CCDC148: variants seen among roughly 807,000 people sequenced by gnomAD.
The protein encoded by CCDC148 is coiled-coil domain-containing protein 148.
A neutral mutation model predicts 85.7 loss-of-function variants in CCDC148; 89 were observed. The observed-to-expected ratio is 1.04, with a 90% CI of 0.87 to 1.24. The LOEUF is 1.24. Among genes scored for constraint, CCDC148 ranks in the 50% most tolerant of loss-of-function variants. The probability of loss-of-function intolerance (pLI) is 0.00; values close to 1 mark genes in which losing one functional copy is unlikely to be tolerated. For synonymous variants in CCDC148, 230 were observed against 213.9 expected (o/e 1.08, Z -0.66); for missense variants, 692 against 671.7 (o/e 1.03, Z -0.33).
intron 2 of CCDC148, among the ~76,000 whole-genome samples, chr2:158,353,676 A>C (rs1395722086): frequency 2.6e-5 from 4 of 152,204 alleles, no homozygotes; most frequent in Non-Finnish European, 5.9e-5. Context: ...AAGGAGACAG[A>C]AAGTCAACAA....
chr2:158,243,185 G>GT (rs1253061152), intron 10 of CCDC148, among the ~76,000 whole-genome samples: 1 of 151,992 alleles, frequency 6.6e-6, no homozygotes, highest in East Asian at 1.9e-4. Context: ...AATGATGGAA[G>GT]TATCAAAAAA....
At chr2:158,406,710 C>T (rs1301500126) in intron 1 of CCDC148, among the ~76,000 whole-genome samples, 1 of 144,550 alleles carries the variant, frequency 6.9e-6, no homozygotes, top group Non-Finnish European at 1.5e-5. Flanking sequence ...GTAACCTCGA[C>T]CTCTCAGACT....
chr2:158,247,178 G>A (rs962430904), intron 10 of CCDC148, among the ~76,000 whole-genome samples: 1 of 152,072 alleles, frequency 6.6e-6, no homozygotes, highest in East Asian at 1.9e-4. Flanking sequence ...TTAAAAAATG[G>A]ATTTTAAAAG....
rs1684318656 is a variant in CCDC148 at position 158,171,435 on chromosome 2, T to G, written c.*678A>C. The G allele has an allele frequency of 1.3e-5, 2 of 152,030 alleles. No individual in the cohort carries two copies. Among genetic ancestry groups the G allele is most frequent in the Non-Finnish European group, 2.9e-5 (2 of 67,970 alleles). 9.4% of individuals were successfully genotyped at this position (152,030 alleles called of 1,614,324 possible). A position where few individuals can be genotyped will look rare whatever the true frequency, so the allele number is the denominator to read the frequency against. On this transcript the variant is annotated 3_prime_UTR_variant, in exon 14 of 14. Transcript: ENST00000283233. ...TAAATATTTAATAGATAATTTGGAATTTTTGACAGCATTCCAAATATTATG... is the reference window on the plus strand; with the variant it reads ...TAAATATTTAATAGATAATTTGGAAGTTTTGACAGCATTCCAAATATTATG...
intron 1 of CCDC148, among the ~76,000 whole-genome samples, chr2:158,399,023 T>G (rs1239255515): frequency 6.6e-6 from 1 of 152,256 alleles, no homozygotes; most frequent in African/African-American, 2.4e-5. Flanking sequence ...CTAGAAAATC[T>G]AGAAGAAATG....
chr2:158,265,372 A>C (rs576083254), intron 9 of CCDC148, among the ~76,000 whole-genome samples: 1 of 152,244 alleles, frequency 6.6e-6, no homozygotes, highest in African/African-American at 2.4e-5. Context: ...TTTTACATTT[A>C]AAATTACTTT....
intron 1 of CCDC148, among the ~76,000 whole-genome samples, chr2:158,369,851 A>G (rs899334610): frequency 6.6e-6 from 1 of 152,154 alleles, no homozygotes; most frequent in Non-Finnish European, 1.5e-5. Flanking sequence ...TTTCATCAAT[A>G]CATCGTTTGT....
At chr2:158,277,554 G>A (rs1690011041) in intron 9 of CCDC148, among the ~76,000 whole-genome samples, 1 of 152,078 alleles carries the variant, frequency 6.6e-6, no homozygotes, top group African/African-American at 2.4e-5. Context: ...TTACAGGCAT[G>A]GCCCCTTTCA....
chr2:158,180,303 CCTCACAACA>C (rs1481906533), intron 11 of CCDC148, among the ~76,000 whole-genome samples: 1 of 152,104 alleles, frequency 6.6e-6, no homozygotes, highest in African/African-American at 2.4e-5. Flanking sequence ...GTCATTTAGA[CCTCACAACA>C]ATCACATGCT....
At chr2:158,198,182 T>G (rs1182561361) in intron 11 of CCDC148, among the ~76,000 whole-genome samples, 2 of 152,166 alleles carry the variant, frequency 1.3e-5, no homozygotes, top group Non-Finnish European at 2.9e-5. Flanking sequence ...AACACCTGAC[T>G]CATCCCTGGC....
chr2:158,323,356 T>C (rs556879390), intron 7 of CCDC148, among the ~76,000 whole-genome samples: 26 of 152,332 alleles, frequency 1.7e-4, no homozygotes, highest in African/African-American at 6.3e-4. Flanking sequence ...AAATATTGAT[T>C]GTATGTTGAA....
intron 1 of CCDC148, among the ~76,000 whole-genome samples, chr2:158,375,473 AG>A (rs1684613803): frequency 6.6e-6 from 1 of 152,146 alleles, no homozygotes; most frequent in South Asian, 2.1e-4. Context: ...GCCACAAGCA[AG>A]GTTATAGAGT....
intron 9 of CCDC148, among the ~76,000 whole-genome samples, chr2:158,261,103 A>C (rs1214755408): frequency 6.6e-6 from 1 of 152,074 alleles, no homozygotes; most frequent in Non-Finnish European, 1.5e-5. Context: ...GCATTACATT[A>C]CCTGACTTCA....
intron 9 of CCDC148, among the ~76,000 whole-genome samples, chr2:158,286,090 A>G: frequency 6.6e-6 from 1 of 152,196 alleles, no homozygotes; most frequent in East Asian, 1.9e-4. Flanking sequence ...TCATATTAAT[A>G]TGTATTAATA....
chr2:158,356,881 C>G (rs1248175988), intron 2 of CCDC148, among the ~76,000 whole-genome samples: 2 of 133,122 alleles, frequency 1.5e-5, no homozygotes, highest in Non-Finnish European at 3.2e-5. Context: ...CACATATACA[C>G]CATGGAATAC....
In CCDC148 at chr2:158,338,759, T is replaced by C. The variant is rs370640297; in HGVS notation, c.731A>G (p.Gln244Arg). Reference protein sequence around the residue: ...KFTQKYQKKLQDFNLQLEDIY... With the variant: ...KFTQKYQKKLRDFNLQLEDIY... The stretch of plus-strand genomic sequence containing the variant: ...GTCTTCCAACTGCAGATTAAAGTCT[T>C]GAAGCTTCTTCTGATATTTCTGTGT... The change falls in exon 7 of 14, where the codon CAA (glutamine) becomes CGA (arginine). Residue 244 changes from glutamine (Q) to arginine (R), a missense_variant. Transcript: ENST00000283233. The C allele has an allele frequency of 3.7e-5, 60 of 1,610,472 alleles. No homozygotes were observed. Among genetic ancestry groups the C allele is most frequent in the Non-Finnish European group, 4.7e-5 (56 of 1,179,152 alleles).
chr2:158,339,050 A>G lies in CCDC148; in HGVS notation c.522T>C (p.Phe174=), dbSNP rs61746487. The G allele has an allele frequency of 0.067, 108,195 of 1,613,326 alleles. 4,275 individuals are homozygous for G. The highest frequency in any genetic ancestry group is 0.08 in the Non-Finnish European group (94,821 of 1,179,342). The change falls in exon 6 of 14, where the codon TTT becomes TTC. Residue 174 remains phenylalanine (F), a synonymous_variant. Coordinates refer to ENST00000283233, the MANE Select transcript of CCDC148 (RefSeq NM_138803.4). ...TCTGTTGCTCCAGCCTAAGTCTTTC[A>G]AAGACAGTTTTCAATTGTTTCTTCA... ...DFVKKQLKTV[F]ERLRLEQQRI...
Position 158,396,937 on chromosome 2 carries a change from A to G in CCDC148, c.26-38367T>C, listed in dbSNP as rs147863870. On this transcript the variant is annotated intron_variant, in intron 1 of 13. Coordinates refer to ENST00000283233, the MANE Select transcript of CCDC148 (RefSeq NM_138803.4). Reference sequence around the variant, plus strand: ...CCTCAATCTTATTTCTGCTTTCTCAAGCTAGAACTTGAAATTCATTTGGAA... The same window carrying G: ...CCTCAATCTTATTTCTGCTTTCTCAGGCTAGAACTTGAAATTCATTTGGAA... Among the ~76,000 whole-genome samples the G allele has an allele frequency of 5.9e-5, 9 of 152,198 alleles. No individual in the cohort carries two copies. The East Asian group carries it at 1.4e-3, about 23-fold the overall frequency.
At chr2:158,204,484 A>G (rs1686131805) in intron 11 of CCDC148, among the ~76,000 whole-genome samples, 1 of 152,184 alleles carries the variant, frequency 6.6e-6, no homozygotes, top group Non-Finnish European at 1.5e-5. Flanking sequence ...CAGAGGCATT[A>G]TATAGGAAGT....
Sources: gnomAD v4.1 joint callset for allele counts (sites outside exome capture counted in the v4.1 genomes callset) on GRCh38, gnomAD v4.1.1 for gene constraint, MANE v1.5 for transcripts, NCBI Gene and HGNC (gene_info 2026-07-23, HGNC 2026-07-21) for gene names.